The following PAG1 variants were observed in gnomAD, a reference collection of about 807,000 sequenced individuals.
The protein encoded by PAG1 is phosphoprotein membrane anchor with glycosphingolipid microdomains 1, also known as phosphoprotein associated with glycosphingolipid-enriched microdomains 1.
A neutral mutation model predicts 31.7 loss-of-function variants in PAG1; 23 were observed. The ratio of observed to expected loss-of-function variants is 0.73; its 90% CI spans 0.52 to 1.03. The LOEUF (loss-of-function observed/expected upper bound fraction) is 1.03, where lower values mean the gene tolerates loss of function less well. PAG1 is among the 50% of genes least tolerant of loss of function. The pLI is 0.00. For synonymous variants in PAG1, 214 were observed against 210.3 expected (o/e 1.02, Z -0.15); for missense variants, 473 against 540.7 (o/e 0.87, Z 1.24).
At chr8:81,053,719 G>A (rs1301916692) in intron 2 of PAG1, among the ~76,000 whole-genome samples, 1 of 152,192 alleles carries the variant, frequency 6.6e-6, no homozygotes, top group East Asian at 1.9e-4. Flanking sequence ...GGAAAGTCAG[G>A]AAGAGGAACT....
At position 81,014,767 on chromosome 8, in the gene PAG1, T is replaced by C. The variant is rs1342419065; in HGVS notation, c.-81+15229A>G. Among the ~76,000 whole-genome samples, 10 of 152,108 alleles carry C rather than the reference T, an allele frequency of 6.6e-5. 1 individual carries two copies. The highest frequency in any genetic ancestry group is 1.5e-5 in the Non-Finnish European group (1 of 68,028). ...GAGACATGAGGATCAGAGCCACAGTTCTTAATCACTCCACCACTAAGACTT... is the reference window on the plus strand; with the variant it reads ...GAGACATGAGGATCAGAGCCACAGTCCTTAATCACTCCACCACTAAGACTT... On this transcript the variant is annotated intron_variant, in intron 3 of 8. Coordinates refer to ENST00000220597, the MANE Select transcript of PAG1 (RefSeq NM_018440.4).
intron 2 of PAG1, among the ~76,000 whole-genome samples, chr8:81,054,080 A>G (rs1193503673): frequency 6.6e-6 from 1 of 152,152 alleles, no homozygotes; most frequent in Non-Finnish European, 1.5e-5. Context: ...TGCAGGTCAT[A>G]GTTTGCCAAC....
intron 6 of PAG1, among the ~76,000 whole-genome samples, chr8:80,986,061 C>T (rs1807413360): frequency 1.3e-5 from 2 of 152,188 alleles, no homozygotes; most frequent in Admixed American, 6.5e-5. Flanking sequence ...CTGCCATGCA[C>T]CAGGGATGGT....
intron 8 of PAG1, among the ~76,000 whole-genome samples, chr8:80,979,067 A>G (rs1276597953): frequency 6.6e-6 from 1 of 152,258 alleles, no homozygotes; most frequent in African/African-American, 2.4e-5. Flanking sequence ...TAAATACAAA[A>G]AAAACTTTCA....
At chr8:81,033,785 C>T (rs1344620923) in intron 2 of PAG1, among the ~76,000 whole-genome samples, 1 of 152,262 alleles carries the variant, frequency 6.6e-6, no homozygotes, top group Non-Finnish European at 1.5e-5. Context: ...TGAAACAGAG[C>T]TCCATTCTGG....
chr8:81,058,854 A>G (rs536413749), intron 2 of PAG1, among the ~76,000 whole-genome samples: 1 of 152,170 alleles, frequency 6.6e-6, no homozygotes, highest in Non-Finnish European at 1.5e-5. Context: ...GTATGATTAT[A>G]CCATTGCATT....
At chr8:81,079,751 A>C (rs762099551) in intron 1 of PAG1, among the ~76,000 whole-genome samples, 3 of 152,088 alleles carry the variant, frequency 2.0e-5, no homozygotes, top group Admixed American at 6.6e-5. Context: ...GCCATGAAGC[A>C]AAATCAATTT....
At chr8:81,001,984 T>A (rs1162652659) in intron 3 of PAG1, among the ~76,000 whole-genome samples, 1 of 152,154 alleles carries the variant, frequency 6.6e-6, no homozygotes, top group Non-Finnish European at 1.5e-5. Flanking sequence ...AGAAGAATGT[T>A]CACTCCCATC....
chr8:80,993,049 G>A, intron 4 of PAG1, 54 bp downstream of exon 4: 1 of 1,500,322 alleles, frequency 6.7e-7, no homozygotes, highest in South Asian at 1.3e-5. Context: ...AAACTCTTCT[G>A]GGTACAGGGG....
intron 3 of PAG1, among the ~76,000 whole-genome samples, chr8:81,020,884 T>C (rs571873171): frequency 6.6e-6 from 1 of 152,308 alleles, no homozygotes; most frequent in South Asian, 2.1e-4. Context: ...CCAACACACA[T>C]TCAGAGTCAG....
chr8:80,990,772 A>G lies in PAG1; in HGVS notation c.177+707T>C, dbSNP rs7009399. ...GTGTTGTGGGTCCCAAGCTCCCTCCAGCTTAATGACCTGTTGTTATGGGTT... is the reference window on the plus strand; with the variant it reads ...GTGTTGTGGGTCCCAAGCTCCCTCCGGCTTAATGACCTGTTGTTATGGGTT... On this transcript the variant is annotated intron_variant, in intron 5 of 8. Coordinates refer to ENST00000220597, the MANE Select transcript of PAG1 (RefSeq NM_018440.4). The surrounding 1 kb of genome is among the most constrained non-coding windows in gnomAD (Gnocchi z 5.1). Among the ~76,000 whole-genome samples, 27,162 of 152,118 alleles carry G rather than the reference A, an allele frequency of 0.18. 3,184 individuals carry two copies. The highest frequency in any genetic ancestry group is 0.53 in the East Asian group (2,729 of 5,150).
At chr8:81,004,295 G>A (rs1377722035) in intron 3 of PAG1, among the ~76,000 whole-genome samples, 1 of 152,178 alleles carries the variant, frequency 6.6e-6, no homozygotes, top group Non-Finnish European at 1.5e-5. Context: ...GACTTGATAA[G>A]CTTGAGGAGG....
intron 3 of PAG1, among the ~76,000 whole-genome samples, chr8:81,008,443 C>A (rs1241666237): frequency 6.6e-6 from 1 of 151,510 alleles, no homozygotes; most frequent in Non-Finnish European, 1.5e-5. Context: ...GATTCTGTAG[C>A]CAGGATCCAT....
chr8:81,043,236 A>C (rs1394579293), intron 2 of PAG1, among the ~76,000 whole-genome samples: 2 of 152,064 alleles, frequency 1.3e-5, no homozygotes, highest in Non-Finnish European at 2.9e-5. Context: ...TGTTTTAGTA[A>C]ATGTCCAGTT....
At chr8:81,009,002 A>T (rs1807934482) in intron 3 of PAG1, among the ~76,000 whole-genome samples, 2 of 152,192 alleles carry the variant, frequency 1.3e-5, no homozygotes, top group African/African-American at 2.4e-5. Context: ...TACTTCTCAG[A>T]AGAAGGTTTT....
Position 81,059,436 on chromosome 8 carries a change from C to T in PAG1, c.-175+10676G>A, listed in dbSNP as rs192538660. Among the ~76,000 whole-genome samples the T allele has an allele frequency of 3.9e-5, 6 of 152,160 alleles. No individual in the cohort carries two copies. In the East Asian group the frequency reaches 1.2e-3, roughly 29 times the overall value. On this transcript the variant is annotated intron_variant, in intron 2 of 8. Transcript: ENST00000220597. ...ATATGCCTGGGGTGTTATGTTACTACCAGAAATTGAAAGACCAGTATTTAC... is the reference window on the plus strand; with the variant it reads ...ATATGCCTGGGGTGTTATGTTACTATCAGAAATTGAAAGACCAGTATTTAC...
intron 4 of PAG1, 58 bp from the exon 5 acceptor site, chr8:80,991,588 C>T (rs1156274505): frequency 8.7e-7 from 1 of 1,143,416 alleles, no homozygotes; most frequent in Non-Finnish European, 1.3e-6. Context: ...ATCAAGCGCA[C>T]ACTACCCTTT....
intron 2 of PAG1, among the ~76,000 whole-genome samples, chr8:81,062,125 T>C (rs997545599): frequency 1.3e-5 from 2 of 152,242 alleles, no homozygotes; most frequent in African/African-American, 4.8e-5. Flanking sequence ...CTCAGTTATC[T>C]ATAAAAGCAC....
At chr8:81,038,118 G>T (rs369685205) in intron 2 of PAG1, among the ~76,000 whole-genome samples, 2 of 152,204 alleles carry the variant, frequency 1.3e-5, no homozygotes, top group Non-Finnish European at 2.9e-5. Flanking sequence ...GGGGTTATGG[G>T]GTTGGAGGGT....
Sources: allele counts gnomAD v4.1 joint callset (sites outside exome capture counted in the v4.1 genomes callset), GRCh38; gene constraint gnomAD v4.1.1; non-coding constraint Gnocchi (gnomAD v3.1); transcripts MANE v1.5; gene names NCBI Gene and HGNC (gene_info 2026-07-23, HGNC 2026-07-21).